Variants in PRKCQ observed in about 807,000 individuals in gnomAD.
The protein encoded by PRKCQ is protein kinase C theta, also known as protein kinase C theta type.
In PRKCQ, 41 loss-of-function variants were observed where a neutral mutation model predicts 91.2. The ratio of observed to expected loss-of-function variants is 0.45; its 90% CI spans 0.35 to 0.58. The LOEUF (loss-of-function observed/expected upper bound fraction) is 0.58, where lower values mean the gene tolerates loss of function less well. Ranked by LOEUF, PRKCQ falls within the 20% of genes least tolerant of loss-of-function variation. The pLI is 0.00. For synonymous variants in PRKCQ, 307 were observed against 316.9 expected, an observed-to-expected ratio of 0.97 and a Z score of 0.33; for missense variants, 673 against 896.5, an observed-to-expected ratio of 0.75 and a Z score of 3.18.
intron 7 of PRKCQ, among the ~76,000 whole-genome samples, chr10:6,493,019 C>T (rs1777089147): frequency 6.6e-6 from 1 of 152,176 alleles, no homozygotes; most frequent in Non-Finnish European, 1.5e-5. Context: ...ATTTTCGGGA[C>T]TCACTTATAT....
At chr10:6,551,086 T>C (rs1051457948) in intron 1 of PRKCQ, among the ~76,000 whole-genome samples, 9 of 152,184 alleles carry the variant, frequency 5.9e-5, no homozygotes, top group African/African-American at 2.2e-4. Context: ...GTTGTACAGA[T>C]TATTTCATCA....
chr10:6,491,606 C>A, intron 8 of PRKCQ, 77 bp downstream of exon 8: 2 of 1,574,200 alleles, frequency 1.3e-6, no homozygotes, highest in South Asian at 1.2e-5. Context: ...TACATCCTCC[C>A]TCCAGTTCCC....
At position 6,491,219 on chromosome 10, in the gene PRKCQ, A is replaced by G. The variant is rs372837538; in HGVS notation, c.790+464T>C. On this transcript the variant is annotated intron_variant, in intron 8 of 17. Coordinates refer to ENST00000263125, the MANE Select transcript of PRKCQ (RefSeq NM_006257.5). ...TCTGTGCAGGACCATGTGTCAGCCA[A>G]ATGAATGTGCTGGGCTTGCTCCTTG... 2.0e-5 allele frequency among the ~76,000 whole-genome samples: 3 copies of G among 152,308 alleles called. No individual in the cohort carries two copies. In the South Asian group the frequency reaches 6.2e-4, roughly 32 times the overall value.
intron 1 of PRKCQ, among the ~76,000 whole-genome samples, chr10:6,534,785 T>TAG (rs1443462145): frequency 6.9e-6 from 1 of 145,734 alleles, no homozygotes; most frequent in South Asian, 2.1e-4. Context: ...TATATATATA[T>TAG]ATATATAGAT....
rs1322927586 is a variant in PRKCQ, at chr10:6,489,206, C to T, written c.790+2477G>A. Among the ~76,000 whole-genome samples the T allele has an allele frequency of 2.6e-5, 4 of 152,170 alleles. No homozygotes were observed. The South Asian group carries it at 6.2e-4, about 24-fold the overall frequency. ...AGGTGTCAGGTTTCAACTTCGGTAG[C>T]CCCAGCTCCATTTTCTTATGCATCA... On this transcript the variant is annotated intron_variant, in intron 8 of 17. Transcript: ENST00000263125.
chr10:6,446,552 GAC>G (rs935535489), intron 15 of PRKCQ, among the ~76,000 whole-genome samples: 1 of 151,902 alleles, frequency 6.6e-6, no homozygotes, highest in Admixed American at 6.6e-5. Context: ...TTTTAGTAGA[GAC>G]GGGGTTTCAC....
intron 1 of PRKCQ, among the ~76,000 whole-genome samples, chr10:6,554,186 T>G (rs901108849): frequency 5.3e-5 from 8 of 152,160 alleles, no homozygotes; most frequent in Non-Finnish European, 8.8e-5. Flanking sequence ...TCAGGAAGAT[T>G]ATAGTCTCCT....
chr10:6,441,495 G>A (rs999147190), intron 16 of PRKCQ, among the ~76,000 whole-genome samples: 1 of 151,830 alleles, frequency 6.6e-6, no homozygotes, highest in African/African-American at 2.4e-5. Context: ...TGGAGACAGG[G>A]GTCTCGATAC....
chr10:6,434,135 T>C (rs980580731), intron 16 of PRKCQ, among the ~76,000 whole-genome samples: 77 of 152,160 alleles, frequency 5.1e-4, no homozygotes, highest in African/African-American at 1.8e-3. Flanking sequence ...CTCTGCTTCT[T>C]AAGGACATTT....
intron 1 of PRKCQ, among the ~76,000 whole-genome samples, chr10:6,554,496 G>T (rs767900352): frequency 4.6e-5 from 7 of 152,174 alleles, no homozygotes; most frequent in Non-Finnish European, 8.8e-5. Context: ...GGCATTTTCT[G>T]TCTACAGCTG....
rs1833196752 is a variant in PRKCQ, at chr10:6,427,878, GTGAAGAGCCATAAT to G, written c.*315_*328del. Reference sequence around the variant, plus strand: ...TCATTGATCAGCAGTTGGCGCCCAGGTGAAGAGCCATAATTTATTGCAGTATCAAGTCTTGAAAC... The same window carrying G: ...TCATTGATCAGCAGTTGGCGCCCAGGTTATTGCAGTATCAAGTCTTGAAAC... On this transcript the variant is annotated 3_prime_UTR_variant, in exon 18 of 18. Transcript: ENST00000263125. 3.6e-6 allele frequency: 1 copy of G among 276,044 alleles called. No homozygotes were observed. Among genetic ancestry groups the G allele is most frequent in the Non-Finnish European group, 7.0e-6 (1 of 143,170 alleles). The allele number at this position is 276,044 out of a possible 1,614,324, so 17.1% of individuals were successfully genotyped here. A position where few individuals can be genotyped will look rare whatever the true frequency, so the allele number is the denominator to read the frequency against.
In PRKCQ at chr10:6,445,049, G is replaced by A. The variant is rs147502848; in HGVS notation, c.1648-2968C>T. Among the ~76,000 whole-genome samples, 1,396 of 148,738 alleles carry A rather than the reference G, an allele frequency of 9.4e-3. 13 individuals are homozygous for A. Among genetic ancestry groups the A allele is most frequent in the Non-Finnish European group, 0.016 (1,047 of 67,464 alleles). On this transcript the variant is annotated intron_variant, in intron 15 of 17. Transcript: ENST00000263125. The stretch of plus-strand genomic sequence containing the variant: ...TGAGGCAGGAGAATCGCTTGAACCC[G>A]GGAGGTGGAGGCTGTAGTGAGCCAA...
At chr10:6,426,491 A>ATAAC (rs1226713573), downstream of PRKCQ, among the ~76,000 whole-genome samples, 1 of 152,208 alleles carries the variant, frequency 6.6e-6, no homozygotes, top group Non-Finnish European at 1.5e-5. Context: ...GCCTTCTCAC[A>ATAAC]TAACTAGAGG....
intron 15 of PRKCQ, among the ~76,000 whole-genome samples, chr10:6,452,301 T>C (rs374131979): frequency 6.6e-6 from 1 of 152,158 alleles, no homozygotes; most frequent in Non-Finnish European, 1.5e-5. Flanking sequence ...GAGCCAAATC[T>C]TGAGTGAACT....
At chr10:6,473,842 G>A (rs1450802133) in intron 12 of PRKCQ, among the ~76,000 whole-genome samples, 1 of 152,096 alleles carries the variant, frequency 6.6e-6, no homozygotes, top group Non-Finnish European at 1.5e-5. Context: ...TTTTTAAAAA[G>A]TATCAAGTTC....
chr10:6,546,921 A>G (rs1839973656), intron 1 of PRKCQ, among the ~76,000 whole-genome samples: 1 of 152,186 alleles, frequency 6.6e-6, no homozygotes, highest in Non-Finnish European at 1.5e-5. Flanking sequence ...TACCTAATTT[A>G]TTGAGAGTTT....
rs150816002 is a variant in PRKCQ at position 6,471,001 on chromosome 10, G to A, written c.1354-6597C>T. Among the ~76,000 whole-genome samples, 35 of 152,202 alleles carry A rather than the reference G, an allele frequency of 2.3e-4. No individual in the cohort carries two copies. In the East Asian group the frequency reaches 5.6e-3, roughly 24 times the overall value. ...AGATCATGTGAACTCTGGGATGAAG[G>A]GGAAAATAATGAAACAGGAGGTCAG... On this transcript the variant is annotated intron_variant, in intron 12 of 17. Coordinates refer to ENST00000263125, the MANE Select transcript of PRKCQ (RefSeq NM_006257.5).
chr10:6,575,473 A>T (rs1020913786), intron 1 of PRKCQ, among the ~76,000 whole-genome samples: 3 of 152,232 alleles, frequency 2.0e-5, no homozygotes, highest in African/African-American at 4.8e-5. Flanking sequence ...TTCCTCATGG[A>T]GGTGGAGATA....
rs769637609 is a variant in PRKCQ, at chr10:6,497,136, A to C, written c.575-16T>G. On this transcript the variant is annotated splice_polypyrimidine_tract_variant and intron_variant, in intron 6 of 17. Transcript: ENST00000263125. The surrounding 1 kb of genome is among the most constrained non-coding windows in gnomAD (Gnocchi z 4.5). Reference sequence around the variant, plus strand: ...GCATTGCATTCTGAAAAGAAGAAAAAAATCACAGCTTAAGATTTTCATAGC... The same window carrying C: ...GCATTGCATTCTGAAAAGAAGAAAACAATCACAGCTTAAGATTTTCATAGC... 6.2e-7 allele frequency: 1 copy of C among 1,613,938 alleles called. No individual in the cohort carries two copies.
Sources: gnomAD v4.1 joint callset for allele counts (sites outside exome capture counted in the v4.1 genomes callset) on GRCh38, gnomAD v4.1.1 for gene constraint, Gnocchi (gnomAD v3.1) non-coding constraint, MANE v1.5 for transcripts, NCBI Gene and HGNC (gene_info 2026-07-23, HGNC 2026-07-21) for gene names.